Variants in HDAC9 observed in about 807,000 individuals in gnomAD.
The protein encoded by HDAC9 is histone deacetylase 9.
Under a neutral mutation model 139.4 loss-of-function variants are expected in HDAC9, and 41 were observed. The observed-to-expected ratio is 0.29, with a 90% CI of 0.23 to 0.38. The LOEUF is 0.38. Among genes scored for constraint, HDAC9 ranks in the 10% least tolerant of loss-of-function variants. HDAC9 has a pLI of 1.00. For synonymous variants in HDAC9, 517 were observed against 476.2 expected (o/e 1.09, Z -1.12); for missense variants, 1,147 against 1,297.0 (o/e 0.88, Z 1.78).
intron 1 of HDAC9, among the ~76,000 whole-genome samples, chr7:18,109,299 G>A (rs939562831): frequency 4.6e-5 from 7 of 152,146 alleles, no homozygotes; most frequent in Non-Finnish European, 1.0e-4. Context: ...TACACTATAA[G>A]ATTGTTGTAA....
chr7:18,828,025 T>C (rs1226793803), intron 17 of HDAC9, among the ~76,000 whole-genome samples: 1 of 152,168 alleles, frequency 6.6e-6, no homozygotes, highest in Non-Finnish European at 1.5e-5. Context: ...TTATGTTATA[T>C]GATTCTAATT....
At chr7:18,901,093 C>G (rs991141861) in intron 22 of HDAC9, among the ~76,000 whole-genome samples, 1 of 151,714 alleles carries the variant, frequency 6.6e-6, no homozygotes, top group Non-Finnish European at 1.5e-5. Context: ...TGACATTAAT[C>G]ATGATCTTCT....
rs373791440 is a variant in HDAC9, at chr7:18,125,046, C to G, written c.-96-37183C>G. Among the ~76,000 whole-genome samples, 5 of 151,670 alleles carry G rather than the reference C, an allele frequency of 3.3e-5. No homozygotes were observed. The South Asian group carries it at 8.3e-4, about 25-fold the overall frequency. On this transcript the variant is annotated intron_variant, in intron 1 of 12. Transcript: ENST00000417496. Reference sequence around the variant, plus strand: ...AAGCAGAAAGAGTGTGTTCTTGAGTCTGTAATACTGAGGTATTATCTTCTT... The same window carrying G: ...AAGCAGAAAGAGTGTGTTCTTGAGTGTGTAATACTGAGGTATTATCTTCTT...
intron 16 of HDAC9, among the ~76,000 whole-genome samples, chr7:18,786,272 C>A (rs1000659053): frequency 6.6e-6 from 1 of 152,092 alleles, no homozygotes; most frequent in Admixed American, 6.6e-5. Context: ...TATGTAGTAG[C>A]TAAGTTTTAA....
At chr7:18,713,427 C>T (rs1255789176) in intron 12 of HDAC9, among the ~76,000 whole-genome samples, 2 of 152,022 alleles carry the variant, frequency 1.3e-5, no homozygotes, top group South Asian at 2.1e-4. Context: ...TAATTAAGTA[C>T]GTGAGGTAAC....
chr7:18,673,689 T>C (rs865777333), intron 12 of HDAC9, among the ~76,000 whole-genome samples: 2 of 152,060 alleles, frequency 1.3e-5, no homozygotes, highest in South Asian at 4.1e-4. Context: ...TTCATCTCAT[T>C]TTGTATTTTG....
chr7:18,774,839 T>C (rs2129167010), intron 16 of HDAC9, among the ~76,000 whole-genome samples: 1 of 152,180 alleles, frequency 6.6e-6, no homozygotes, highest in African/African-American at 2.4e-5. Flanking sequence ...CATTCACAAC[T>C]TGGCTAACTG....
intron 1 of HDAC9, among the ~76,000 whole-genome samples, chr7:18,303,369 G>A (rs1798683095): frequency 7.0e-6 from 1 of 142,310 alleles, no homozygotes; most frequent in Non-Finnish European, 1.5e-5. Flanking sequence ...GCCACGCCCA[G>A]CCAATTTGTG....
At chr7:18,567,129 T>G (rs2128727923) in intron 2 of HDAC9, among the ~76,000 whole-genome samples, 1 of 152,300 alleles carries the variant, frequency 6.6e-6, no homozygotes, top group South Asian at 2.1e-4. Context: ...ACCTTGGCTT[T>G]GAGTATGTCC....
intron 11 of HDAC9, among the ~76,000 whole-genome samples, chr7:18,658,025 C>A (rs549726159): frequency 6.6e-6 from 1 of 152,116 alleles, no homozygotes; most frequent in Non-Finnish European, 1.5e-5. Context: ...GAAGGCTCAA[C>A]CTCCACGTCT....
chr7:18,789,656 C>G (rs753825220), intron 16 of HDAC9, among the ~76,000 whole-genome samples: 4 of 152,098 alleles, frequency 2.6e-5, no homozygotes, highest in Non-Finnish European at 5.9e-5. Flanking sequence ...CTTATAGTTC[C>G]AAACCCTTCT....
At chr7:18,515,306 G>A (rs1802822231) in intron 2 of HDAC9, among the ~76,000 whole-genome samples, 1 of 152,158 alleles carries the variant, frequency 6.6e-6, no homozygotes, top group African/African-American at 2.4e-5. Flanking sequence ...AATATAGTGT[G>A]CCTCACTGAA....
intron 12 of HDAC9, among the ~76,000 whole-genome samples, chr7:18,701,864 G>GATTAAAATTCTTGCTCTATTAATT (rs1488671435): frequency 6.6e-6 from 1 of 152,196 alleles, no homozygotes; most frequent in Non-Finnish European, 1.5e-5. Context: ...GACGCACTTG[G>GATTAAAATTCTTGCTCTATTAATT]ATTAAAATTC....
intron 1 of HDAC9, among the ~76,000 whole-genome samples, chr7:18,343,332 G>A (rs1244853915): frequency 2.0e-5 from 3 of 151,808 alleles, no homozygotes; most frequent in Non-Finnish European, 4.4e-5. Flanking sequence ...TTTTGGCAAG[G>A]AAGGTAATTA....
chr7:18,954,082 C>A, intron 23 of HDAC9, 64 bp from the exon 24 acceptor site: 1 of 1,134,500 alleles, frequency 8.8e-7, no homozygotes, highest in Non-Finnish European at 1.3e-6. Flanking sequence ...GTTTGCTTTG[C>A]TTCTGTGAGA....
intron 16 of HDAC9, among the ~76,000 whole-genome samples, chr7:18,784,943 T>TTGTGTGTGTGTG (rs147840943): frequency 1.2e-3 from 33 of 28,174 alleles, no homozygotes; most frequent in African/African-American, 1.9e-3. Flanking sequence ...TAGCAATTGC[T>TTGTGTGTGTGTG]TGTGTGTGTG....
At chr7:18,515,067 T>C (rs1329532814) in intron 2 of HDAC9, among the ~76,000 whole-genome samples, 1 of 152,220 alleles carries the variant, frequency 6.6e-6, no homozygotes, top group African/African-American at 2.4e-5. Context: ...CTCCAGTTTA[T>C]AGTCATATGG....
At chr7:18,291,214 A>G (rs111690612) in intron 1 of HDAC9, among the ~76,000 whole-genome samples, 2 of 152,256 alleles carry the variant, frequency 1.3e-5, no homozygotes, top group African/African-American at 2.4e-5. Context: ...GAGAAATATT[A>G]TTACATAAAA....
At chr7:18,744,134 G>T (rs1057500014) in intron 13 of HDAC9, among the ~76,000 whole-genome samples, 9 of 151,344 alleles carry the variant, frequency 5.9e-5, no homozygotes, top group African/African-American at 2.2e-4. Context: ...GGGATTGCAG[G>T]CATATACCAC....
Sources: gnomAD v4.1 joint callset for allele counts (sites outside exome capture counted in the v4.1 genomes callset) on GRCh38, gnomAD v4.1.1 for gene constraint, MANE v1.5 for transcripts, NCBI Gene and HGNC (gene_info 2026-07-23, HGNC 2026-07-21) for gene names.